Variants in TIAM1 observed in about 807,000 individuals in gnomAD.
TIAM1 encodes the protein rho guanine nucleotide exchange factor TIAM1.
In TIAM1, 65 loss-of-function variants were observed where a neutral mutation model predicts 163.5. The ratio of observed to expected loss-of-function variants is 0.40; its 90% CI spans 0.33 to 0.49. The LOEUF is 0.49. TIAM1 is among the 20% of genes least tolerant of loss of function. The pLI, the probability that TIAM1 is intolerant of heterozygous loss-of-function variation, is 0.77. For synonymous variants in TIAM1, 833 were observed against 810.1 expected (o/e 1.03, Z -0.48); for missense variants, 1,789 against 2,044.7 (o/e 0.87, Z 2.41).
chr21:31,138,592 C>G (rs757975300), intron 22 of TIAM1, among the ~76,000 whole-genome samples: 6 of 152,302 alleles, frequency 3.9e-5, no homozygotes, highest in African/African-American at 1.2e-4. Flanking sequence ...CCTGAGTCTC[C>G]GTAATTCTTC....
chr21:31,495,724 C>G (rs1231590951), intron 1 of TIAM1, among the ~76,000 whole-genome samples: 2 of 152,224 alleles, frequency 1.3e-5, no homozygotes, highest in Admixed American at 6.5e-5. Flanking sequence ...AATCCCGGCA[C>G]TTTGGGAGGC....
intron 5 of TIAM1, among the ~76,000 whole-genome samples, chr21:31,248,134 C>T (rs755210628): frequency 1.3e-5 from 2 of 152,134 alleles, no homozygotes; most frequent in Non-Finnish European, 2.9e-5. Flanking sequence ...AGAAACCCTG[C>T]TCTAAATAGT....
chr21:31,550,388 A>AC (rs2123314204), intron 1 of TIAM1, among the ~76,000 whole-genome samples: 1 of 152,328 alleles, frequency 6.6e-6, no homozygotes, highest in East Asian at 1.9e-4. Context: ...GTCACAAAAG[A>AC]CCACATATTA....
chr21:31,331,013 C>T (rs1238706917), intron 2 of TIAM1, among the ~76,000 whole-genome samples: 2 of 152,054 alleles, frequency 1.3e-5, no homozygotes, highest in Admixed American at 1.3e-4. Context: ...TGGAACTTCG[C>T]TGTAGATTCC....
intron 2 of TIAM1, among the ~76,000 whole-genome samples, chr21:31,451,770 A>G (rs1306315390): frequency 6.6e-6 from 1 of 151,282 alleles, no homozygotes; most frequent in Non-Finnish European, 1.5e-5. Flanking sequence ...TGAGACACAG[A>G]GAGAGAGAGA....
At chr21:31,323,868 T>C (rs1157949633) in intron 2 of TIAM1, among the ~76,000 whole-genome samples, 12 of 151,634 alleles carry the variant, frequency 7.9e-5, no homozygotes, top group Non-Finnish European at 5.9e-5. Context: ...ATTAGCTGGG[T>C]GTGGTGGTGT....
chr21:31,286,899 C>T (rs1226449140), intron 2 of TIAM1, among the ~76,000 whole-genome samples: 1 of 151,994 alleles, frequency 6.6e-6, no homozygotes, highest in Non-Finnish European at 1.5e-5. Context: ...ACTCCCTGGG[C>T]ACTTGGTCCC....
intron 27 of TIAM1, among the ~76,000 whole-genome samples, chr21:31,121,404 T>C (rs1184748640): frequency 6.6e-6 from 1 of 152,186 alleles, no homozygotes; most frequent in Admixed American, 6.5e-5. Context: ...AAGTTACTTG[T>C]TTTCTGGGAA....
chr21:31,415,977 A>G (rs934602733), intron 2 of TIAM1, among the ~76,000 whole-genome samples: 3 of 152,134 alleles, frequency 2.0e-5, no homozygotes, highest in Admixed American at 6.6e-5. Context: ...TCCCAATGCT[A>G]CCCAAGGGAT....
At chr21:31,335,061 T>A (rs1381480401) in intron 2 of TIAM1, among the ~76,000 whole-genome samples, 1 of 152,046 alleles carries the variant, frequency 6.6e-6, no homozygotes. Context: ...GCCTCCAGGG[T>A]ATCTTGCATC....
chr21:31,307,709 G>A (rs1052275791), intron 2 of TIAM1, among the ~76,000 whole-genome samples: 28 of 152,224 alleles, frequency 1.8e-4, no homozygotes, highest in African/African-American at 6.3e-4. Flanking sequence ...CTAGCAAGGA[G>A]GGGCTTGCAA....
intron 2 of TIAM1, among the ~76,000 whole-genome samples, chr21:31,374,609 T>C (rs1466950559): frequency 6.6e-6 from 1 of 152,194 alleles, no homozygotes; most frequent in African/African-American, 2.4e-5. Flanking sequence ...CAAGACTCCC[T>C]GGGACAAGCT....
intron 2 of TIAM1, among the ~76,000 whole-genome samples, chr21:31,313,002 C>A (rs973208119): frequency 6.6e-6 from 1 of 152,234 alleles, no homozygotes; most frequent in African/African-American, 2.4e-5. Flanking sequence ...ACATCACACA[C>A]AACCCTTAAA....
intron 26 of TIAM1, among the ~76,000 whole-genome samples, chr21:31,126,037 C>T (rs1223816762): frequency 6.6e-6 from 1 of 152,136 alleles, no homozygotes; most frequent in East Asian, 1.9e-4. Context: ...ATGGTAAAAA[C>T]TGCAGTTTCT....
At chr21:31,554,658 C>G (rs2048810939) in intron 1 of TIAM1, among the ~76,000 whole-genome samples, 1 of 152,180 alleles carries the variant, frequency 6.6e-6, no homozygotes, top group South Asian at 2.1e-4. Flanking sequence ...TGTTTAACAT[C>G]CTCTGAAAGC....
At chr21:31,144,127 T>G (rs1481479866) in intron 20 of TIAM1, among the ~76,000 whole-genome samples, 1 of 152,168 alleles carries the variant, frequency 6.6e-6, no homozygotes, top group Non-Finnish European at 1.5e-5. Context: ...GAGAACAGAC[T>G]CCCTGGGTTG....
intron 2 of TIAM1, among the ~76,000 whole-genome samples, chr21:31,393,968 T>C (rs1448601385): frequency 6.6e-6 from 1 of 152,190 alleles, no homozygotes; most frequent in African/African-American, 2.4e-5. Flanking sequence ...CGTTTTTTCA[T>C]AATCAGAAAC....
chr21:31,267,130 G>A, intron 3 of TIAM1, 147 bp from the exon 4 acceptor site: 2 of 1,129,680 alleles, frequency 1.8e-6, no homozygotes, highest in Non-Finnish European at 2.4e-6. Flanking sequence ...CTTCCTATAT[G>A]CACCTGGTAG....
At chr21:31,195,983 C>A (rs569684869) in intron 12 of TIAM1, among the ~76,000 whole-genome samples, 1 of 152,082 alleles carries the variant, frequency 6.6e-6, no homozygotes, top group Non-Finnish European at 1.5e-5. Context: ...AATAAACAGA[C>A]AATCTACAGT....
Sources: allele counts gnomAD v4.1 joint callset (sites outside exome capture counted in the v4.1 genomes callset), GRCh38; gene constraint gnomAD v4.1.1; transcripts MANE v1.5; gene names NCBI Gene and HGNC (gene_info 2026-07-23, HGNC 2026-07-21).